Variants in CEP104 observed in about 807,000 individuals in gnomAD.
The protein encoded by CEP104 is centrosomal protein 104, also known as centrosomal protein of 104 kDa.
A neutral mutation model predicts 113.3 loss-of-function variants in CEP104; 84 were observed. The observed-to-expected ratio is 0.74, with a 90% confidence interval of 0.62 to 0.89. The LOEUF (loss-of-function observed/expected upper bound fraction) is 0.89. Among genes scored for constraint, CEP104 ranks in the 40% least tolerant of loss-of-function variants. The pLI, the probability that CEP104 is intolerant of heterozygous loss-of-function variation, is 0.00. For synonymous variants in CEP104, 378 were observed against 421.7 expected, an observed-to-expected ratio of 0.90 and a Z score of 1.27; for missense variants, 1,053 against 1,156.6, an observed-to-expected ratio of 0.91 and a Z score of 1.30.
At chr1:3,845,482 C>T (rs1336609138) in intron 4 of CEP104, 131 bp from the exon 5 acceptor site, 2 of 673,068 alleles carry the variant, frequency 3.0e-6, no homozygotes, top group Non-Finnish European at 5.1e-6. Context: ...TCATGGCTCA[C>T]TGCAGCCTTG....
chr1:3,831,297 T>G, intron 12 of CEP104, 75 bp from the exon 13 acceptor site: 3 of 1,334,938 alleles, frequency 2.2e-6, no homozygotes, highest in Non-Finnish European at 2.1e-6. Flanking sequence ...CAGCATGATC[T>G]TAAACTAAAC....
At position 3,844,948 on chromosome 1, in the gene CEP104, C is replaced by T. The variant is rs116890485; in HGVS notation, c.525G>A (p.Gly175=). The part of the protein sequence containing the change: ...SREKLIDHYL[G]HNSEDPALEG... Reference sequence around the variant, plus strand: ...CTAGAGCAGGGTCCTCGCTGTTGTGCCCAAGGTAGTGGTCAATCAACTTCT... The same window carrying T: ...CTAGAGCAGGGTCCTCGCTGTTGTGTCCAAGGTAGTGGTCAATCAACTTCT... The change falls in exon 6 of 22, where the codon GGG becomes GGA. Residue 175 remains glycine, a synonymous_variant. Coordinates refer to ENST00000378230, the MANE Select transcript of CEP104 (RefSeq NM_014704.4). The T allele has an allele frequency of 1.2e-6, 2 of 1,614,062 alleles. No individual in the cohort carries two copies. The highest frequency in any genetic ancestry group is 4.5e-5 in the East Asian group (2 of 44,866).
chr1:3,817,854 T>C (rs1362831643), intron 20 of CEP104, among the ~76,000 whole-genome samples: 1 of 152,248 alleles, frequency 6.6e-6, no homozygotes, highest in Non-Finnish European at 1.5e-5. Flanking sequence ...TGTCTTGCTG[T>C]TGCCCTCTGC....
intron 1 of CEP104, among the ~76,000 whole-genome samples, chr1:3,853,988 C>G (rs977571031): frequency 4.6e-5 from 7 of 152,200 alleles, no homozygotes; most frequent in African/African-American, 1.7e-4. Flanking sequence ...CCACTGTTAG[C>G]TGCACGGCCC....
intron 9 of CEP104, 146 bp downstream of exon 9, chr1:3,837,146 G>C: frequency 1.5e-6 from 1 of 647,402 alleles, no homozygotes; most frequent in South Asian, 1.9e-5. Flanking sequence ...CTCTCACTCA[G>C]CACTATGGCT....
intron 10 of CEP104, among the ~76,000 whole-genome samples, chr1:3,835,441 C>A (rs1644291757): frequency 6.6e-6 from 1 of 152,192 alleles, no homozygotes; most frequent in African/African-American, 2.4e-5. Context: ...AGTGGCTCGG[C>A]TCACTGCAAC....
rs752259859 is a variant in CEP104, at chr1:3,829,305, C to A, written c.2112G>T (p.Gly704=). The part of the protein sequence containing the change: ...QKKEEIKALQ[G]QLAALKEIQA... ...GAATTTCTTTCAGTGCTGCCAGCTG[C>A]CCTTGTAAAGCTTTTATTTCTTCTT... Residue 704 remains glycine, a synonymous_variant, in exon 15 of 22, where the codon GGG becomes GGT. Transcript: ENST00000378230. 6.3e-7 allele frequency: 1 copy of A among 1,599,288 alleles called. No homozygotes were observed. The highest frequency in any genetic ancestry group is 1.4e-5 in the African/African-American group (1 of 73,606).
At chr1:3,818,557 C>G (rs909519375) in intron 20 of CEP104, among the ~76,000 whole-genome samples, 4 of 152,206 alleles carry the variant, frequency 2.6e-5, no homozygotes, top group Admixed American at 2.6e-4. Context: ...CTCAACAGAG[C>G]AGCAAAACTG....
intron 3 of CEP104, 39 bp downstream of exon 3, chr1:3,848,569 C>T: frequency 6.9e-7 from 1 of 1,446,528 alleles, no homozygotes. Flanking sequence ...TAGAATTAGC[C>T]TAAAAGCTGC....
At chr1:3,822,575 C>T (rs1194420593) in intron 20 of CEP104, among the ~76,000 whole-genome samples, 3 of 152,218 alleles carry the variant, frequency 2.0e-5, no homozygotes, top group Non-Finnish European at 4.4e-5. Flanking sequence ...GCCAGCCCAT[C>T]GTGTTGGACA....
At chr1:3,843,031 G>A in intron 6 of CEP104, 1 of 479,504 alleles carries the variant, frequency 2.1e-6, no homozygotes, top group Non-Finnish European at 3.8e-6. Context: ...CAAGTGATCT[G>A]CCCAACTCAG....
At chr1:3,850,118 A>G (rs2124696171) in intron 2 of CEP104, among the ~76,000 whole-genome samples, 1 of 152,298 alleles carries the variant, frequency 6.6e-6, no homozygotes, top group East Asian at 1.9e-4. Context: ...GTTTGAGGGC[A>G]CTCTAGGTGT....
intron 9 of CEP104, 161 bp downstream of exon 9, chr1:3,837,131 C>A: frequency 1.6e-6 from 1 of 617,374 alleles, no homozygotes; most frequent in Non-Finnish European, 2.9e-6. Flanking sequence ...CCTTATGTGG[C>A]TATGCTCTCA....
chr1:3,820,862 C>T (rs1238421224), intron 20 of CEP104, among the ~76,000 whole-genome samples: 3 of 152,158 alleles, frequency 2.0e-5, no homozygotes, highest in East Asian at 1.9e-4. Context: ...GTGAACTGGT[C>T]GCCTCCAATA....
At chr1:3,831,746 CTTAA>C (rs1158770892) in intron 12 of CEP104, among the ~76,000 whole-genome samples, 13 of 152,152 alleles carry the variant, frequency 8.5e-5, no homozygotes, top group Admixed American at 3.9e-4. Flanking sequence ...ATATTTATCA[CTTAA>C]TTAACCGGAT....
intron 10 of CEP104, among the ~76,000 whole-genome samples, chr1:3,835,492 T>C (rs1483641275): frequency 6.6e-6 from 1 of 152,178 alleles, no homozygotes; most frequent in Non-Finnish European, 1.5e-5. Context: ...CCTGCCTCAG[T>C]CTTCCAGCTA....
rs1382341047 is a variant in CEP104, at chr1:3,823,159, C to A, written c.2571+15G>T. 6.2e-7 allele frequency: 1 copy of A among 1,613,450 alleles called. No individual in the cohort carries two copies. The highest frequency in any genetic ancestry group is 8.5e-7 in the Non-Finnish European group (1 of 1,179,700). On this transcript the variant is annotated intron_variant, in intron 20 of 21. Coordinates refer to ENST00000378230, the MANE Select transcript of CEP104 (RefSeq NM_014704.4). This position sits in a 1 kb window ranked among gnomAD's most constrained non-coding sequence, Gnocchi z 4.1. Reference sequence around the variant, plus strand: ...GTCACCTACTTCACTGGTCCCTTCTCCCCAGGCCCCTCACCTCTTCTCCAG... The same window carrying A: ...GTCACCTACTTCACTGGTCCCTTCTACCCAGGCCCCTCACCTCTTCTCCAG...
At chr1:3,834,860 T>C in intron 11 of CEP104, 65 bp downstream of exon 11, 1 of 1,458,344 alleles carries the variant, frequency 6.9e-7, no homozygotes, top group South Asian at 1.3e-5. Flanking sequence ...TGCTCTGGTC[T>C]TCTGTGGTAC....
At chr1:3,821,454 C>T (rs77454585) in intron 20 of CEP104, among the ~76,000 whole-genome samples, 1,638 of 152,350 alleles carry the variant, frequency 0.011, 14 homozygotes, top group Middle Eastern at 0.048. Context: ...TAAACCTTCA[C>T]TCTGCCTTTC....
Sources: allele counts gnomAD v4.1 joint callset (sites outside exome capture counted in the v4.1 genomes callset), GRCh38; gene constraint gnomAD v4.1.1; non-coding constraint Gnocchi (gnomAD v3.1); transcripts MANE v1.5; gene names NCBI Gene and HGNC (gene_info 2026-07-23, HGNC 2026-07-21).